RBFOX1: variants seen among roughly 807,000 people sequenced by gnomAD.
RBFOX1 encodes RNA binding fox-1 homolog 1, also known as RNA binding protein fox-1 homolog 1.
A neutral mutation model predicts 57.7 loss-of-function variants in RBFOX1; 8 were observed. The ratio of observed to expected loss-of-function variants is 0.14; its 90% confidence interval spans 0.08 to 0.25. The LOEUF is 0.25. Among genes scored for constraint, RBFOX1 ranks in the 10% least tolerant of loss-of-function variants. The pLI is 1.00. For synonymous variants in RBFOX1, 326 were observed against 222.4 expected, an observed-to-expected ratio of 1.47 and a Z score of -4.15; for missense variants, 611 against 548.5, an observed-to-expected ratio of 1.11 and a Z score of -1.14.
intron 3 of RBFOX1, among the ~76,000 whole-genome samples, chr16:6,946,787 T>G (rs970167009): frequency 1.3e-5 from 2 of 152,138 alleles, no homozygotes; most frequent in Non-Finnish European, 2.9e-5. Flanking sequence ...TAAAATTTTT[T>G]GCAGAGACAG....
At chr16:5,391,622 A>G (rs551202454) in intron 1 of RBFOX1, among the ~76,000 whole-genome samples, 1 of 152,100 alleles carries the variant, frequency 6.6e-6, no homozygotes, top group African/African-American at 2.4e-5. Flanking sequence ...GTTCCTCCTG[A>G]AGGCTGTCTG....
chr16:6,765,234 G>C (rs941717726), intron 3 of RBFOX1, among the ~76,000 whole-genome samples: 1 of 152,122 alleles, frequency 6.6e-6, no homozygotes, highest in Non-Finnish European at 1.5e-5. Context: ...AATGAGGCCA[G>C]AACACACAGG....
At chr16:6,934,593 G>C (rs1469710819) in intron 3 of RBFOX1, among the ~76,000 whole-genome samples, 1 of 152,176 alleles carries the variant, frequency 6.6e-6, no homozygotes, top group Non-Finnish European at 1.5e-5. Context: ...GTCATTTGCA[G>C]CAGCACAGAT....
chr16:5,778,035 C>A (rs567379724), intron 3 of RBFOX1, among the ~76,000 whole-genome samples: 1 of 152,122 alleles, frequency 6.6e-6, no homozygotes, highest in Admixed American at 6.5e-5. Flanking sequence ...AACCCTAGGG[C>A]CAGTGCAGTG....
At chr16:6,063,487 ACACACACACACACACACACC>A (rs1416823524) in intron 1 of RBFOX1, among the ~76,000 whole-genome samples, 2,388 of 108,954 alleles carry the variant, frequency 0.022, 78 homozygotes, top group African/African-American at 0.074. Flanking sequence ...ACACACACAC[ACACACACACACACACACACC>A]CCCTTATATT....
intron 2 of RBFOX1, among the ~76,000 whole-genome samples, chr16:6,350,702 T>C (rs2086214034): frequency 6.6e-6 from 1 of 152,126 alleles, no homozygotes; most frequent in Admixed American, 6.5e-5. Flanking sequence ...TCCTAAAGCA[T>C]TGTCCATGGA....
At chr16:5,443,650 C>T (rs1399665626) in intron 1 of RBFOX1, among the ~76,000 whole-genome samples, 2 of 152,148 alleles carry the variant, frequency 1.3e-5, no homozygotes, top group South Asian at 2.1e-4. Flanking sequence ...CATCTGAATT[C>T]TTAACCACTC....
chr16:7,531,103 T>C (rs1056372623), intron 5 of RBFOX1, among the ~76,000 whole-genome samples: 7 of 152,186 alleles, frequency 4.6e-5, no homozygotes, highest in African/African-American at 1.7e-4. Context: ...GTTGCAGATT[T>C]GTTTTGAAAG....
chr16:6,766,825 C>T (rs1279563262), intron 3 of RBFOX1, among the ~76,000 whole-genome samples: 2 of 152,032 alleles, frequency 1.3e-5, no homozygotes, highest in Non-Finnish European at 1.5e-5. Flanking sequence ...CAGGCGAGAC[C>T]TAAAGGATGG....
At chr16:5,984,591 T>C (rs2060244697) in intron 4 of RBFOX1, among the ~76,000 whole-genome samples, 1 of 152,132 alleles carries the variant, frequency 6.6e-6, no homozygotes, top group African/African-American at 2.4e-5. Flanking sequence ...CTGCACATTC[T>C]GGTATTATCT....
chr16:5,261,986 A>G (rs534288510), intron 1 of RBFOX1, among the ~76,000 whole-genome samples: 2 of 152,352 alleles, frequency 1.3e-5, no homozygotes, highest in East Asian at 1.9e-4. Context: ...GACTTCTTTT[A>G]TACTCTTTTG....
intron 3 of RBFOX1, among the ~76,000 whole-genome samples, chr16:6,687,832 C>T (rs1241917049): frequency 2.0e-5 from 3 of 152,172 alleles, no homozygotes. Flanking sequence ...CCCAACCTAA[C>T]TCCAAAGGAG....
chr16:6,560,035 A>G (rs2097158927), intron 2 of RBFOX1, among the ~76,000 whole-genome samples: 4 of 152,168 alleles, frequency 2.6e-5, no homozygotes, highest in Admixed American at 2.6e-4. Flanking sequence ...CTTACTACCT[A>G]TGCTAAAATC....
chr16:6,976,771 G>C (rs2086984708), intron 3 of RBFOX1, among the ~76,000 whole-genome samples: 1 of 116,820 alleles, frequency 8.6e-6, no homozygotes, highest in Non-Finnish European at 1.8e-5. Flanking sequence ...TATATCGTAT[G>C]ACATATCAAT....
chr16:6,649,893 T>A (rs192098546), intron 2 of RBFOX1, among the ~76,000 whole-genome samples: 11 of 152,358 alleles, frequency 7.2e-5, no homozygotes, highest in African/African-American at 2.6e-4. Context: ...TACCACACTT[T>A]CTTTTATCTA....
At position 7,387,766 on chromosome 16, in the gene RBFOX1, C is replaced by G. The variant is rs114811749; in HGVS notation, c.28-130381C>G. Among the ~76,000 whole-genome samples, 561 of 152,306 alleles carry G rather than the reference C, an allele frequency of 3.7e-3. 4 individuals carry two copies. Among genetic ancestry groups the G allele is most frequent in the African/African-American group, 0.013 (534 of 41,574 alleles). ...GGCCTCCCCACAATCCCATGAACAG[C>G]AAAGCCCCTCATCTTTTGAATGCTG... On this transcript the variant is annotated intron_variant, in intron 4 of 15. Coordinates refer to ENST00000550418, the MANE Select transcript of RBFOX1 (RefSeq NM_018723.4).
At chr16:6,821,692 C>T (rs2091336638) in intron 3 of RBFOX1, among the ~76,000 whole-genome samples, 1 of 152,196 alleles carries the variant, frequency 6.6e-6, no homozygotes, top group African/African-American at 2.4e-5. Context: ...AAGATTAATT[C>T]ACATGATAGC....
At chr16:6,970,070 T>C (rs1177049412) in intron 3 of RBFOX1, among the ~76,000 whole-genome samples, 3 of 151,888 alleles carry the variant, frequency 2.0e-5, no homozygotes, top group African/African-American at 7.3e-5. Context: ...TCCAGCTACT[T>C]GGGAGGCTGA....
At chr16:5,530,225 A>T (rs1260055828) in intron 2 of RBFOX1, among the ~76,000 whole-genome samples, 2 of 152,166 alleles carry the variant, frequency 1.3e-5, no homozygotes, top group African/African-American at 2.4e-5. Context: ...GCAAGACAAC[A>T]TCCTGATGTG....
Sources: allele counts gnomAD v4.1 joint callset (sites outside exome capture counted in the v4.1 genomes callset), GRCh38; gene constraint gnomAD v4.1.1; transcripts MANE v1.5; gene names NCBI Gene and HGNC (gene_info 2026-07-23, HGNC 2026-07-21).